KIR3DL3: variants seen among roughly 807,000 people sequenced by gnomAD.
KIR3DL3 encodes killer cell immunoglobulin-like receptor 3DL3.
KIR3DL3 carries 27 observed loss-of-function variants against 34.9 expected under a neutral mutation model. The observed-to-expected ratio is 0.77, with a 90% confidence interval of 0.57 to 1.07. The LOEUF is 1.07. Among genes scored for constraint, KIR3DL3 ranks in the 50% least tolerant of loss-of-function variants. The pLI, the probability that KIR3DL3 is intolerant of heterozygous loss-of-function variation, is 0.00. For missense variants in KIR3DL3, 681 were observed against 528.5 expected (o/e 1.29, Z -2.83); for synonymous variants, 217 against 200.2 (o/e 1.08, Z -0.71).
rs761871324 is a variant in KIR3DL3, at chr19:54,735,235, T to C, written c.950-18T>C. ...ACTGCTATGATTAGCTTCTTATTGG[T>C]GTCTTGTCTTCCTCCAGGTAACTCC... On this transcript the variant is annotated intron_variant, in intron 5 of 7. Transcript: ENST00000291860. 3 of 1,461,994 alleles carry C rather than the reference T, an allele frequency of 2.1e-6. No individual in the cohort carries two copies. Among genetic ancestry groups the C allele is most frequent in the East Asian group, 2.3e-5 (1 of 44,350 alleles). The allele number at this position is 1,461,994 out of a possible 1,614,324, so 90.6% of individuals were successfully genotyped here.
chr19:54,734,091 T>A (rs2069145553), intron 5 of KIR3DL3, among the ~76,000 whole-genome samples: 2 of 152,346 alleles, frequency 1.3e-5, no homozygotes, highest in South Asian at 4.1e-4. Flanking sequence ...CATGGCTGTT[T>A]GATTTAAGTC....
chr19:54,731,069 C>T (rs2068742900), intron 5 of KIR3DL3, among the ~76,000 whole-genome samples: 1 of 151,536 alleles, frequency 6.6e-6, no homozygotes, highest in Non-Finnish European at 1.5e-5. Context: ...TGCAGTGGCG[C>T]CATCTGGGCT....
chr19:54,728,744 A>G (rs1205700517), intron 4 of KIR3DL3, among the ~76,000 whole-genome samples: 1 of 150,840 alleles, frequency 6.6e-6, no homozygotes, highest in African/African-American at 2.4e-5. Context: ...AGACAGGGAA[A>G]GATAAAGATG....
intron 5 of KIR3DL3, 124 bp from the exon 6 acceptor site, chr19:54,735,129 G>C: frequency 1.3e-6 from 1 of 776,732 alleles, no homozygotes; most frequent in South Asian, 1.5e-5. Context: ...TAGGTCTCCC[G>C]CCATCTGGGT....
At chr19:54,729,898 C>T in intron 5 of KIR3DL3, 112 bp downstream of exon 5, 1 of 1,003,036 alleles carries the variant, frequency 1.0e-6, no homozygotes, top group African/African-American at 1.6e-5. Flanking sequence ...GAACACACAG[C>T]ATGGGTGTAA....
rs2068130860 is a variant in KIR3DL3 at position 54,726,078 on chromosome 19, T to C, written c.96T>C (p.Ser32=). The change falls in exon 3 of 8, where the codon TCT becomes TCC. Residue 32 remains serine, a synonymous_variant. Coordinates refer to ENST00000291860, the MANE Select transcript of KIR3DL3 (RefSeq NM_153443.5). ...HVGGQDKPFL[S]AWPGTVVSEG... is the part of the protein sequence containing the mutation. ...GTGGTCAGGACAAGCCCTTCCTCTC[T>C]GCCTGGCCCGGCACTGTGGTGTCTG... 3.7e-6 allele frequency: 6 copies of C among 1,612,854 alleles called. No individual in the cohort carries two copies. In the South Asian group the frequency reaches 4.4e-5, roughly 12 times the overall value.
chr19:54,735,804 C>A lies in KIR3DL3; in HGVS notation c.1055-16C>A. ...AGTGCCCTCCGAGCTGTTTTGACGA[C>A]TTCCGTCTTCTACAGATGCTGTTGT... On this transcript the variant is annotated splice_polypyrimidine_tract_variant and intron_variant, in intron 6 of 7. Coordinates refer to ENST00000291860, the MANE Select transcript of KIR3DL3 (RefSeq NM_153443.5). 6.2e-7 allele frequency: 1 copy of A among 1,607,952 alleles called. No individual in the cohort carries two copies. Among genetic ancestry groups the A allele is most frequent in the South Asian group, 1.1e-5 (1 of 90,550 alleles).
chr19:54,726,316 CCTGTGGTGATCA>C lies in KIR3DL3; in HGVS notation c.335_346del (p.Pro112_Met116delinsLeu), dbSNP rs2068176978. ...CACTGGGTGGTCGGCACCCAGCAAC[CCTGTGGTGATCA>C]TGGTCACAGGTCAGAGGCTTTCTGT... On this transcript the variant is annotated inframe_deletion, in exon 3 of 8. Coordinates refer to ENST00000291860, the MANE Select transcript of KIR3DL3 (RefSeq NM_153443.5). 6.2e-7 allele frequency: 1 copy of C among 1,613,544 alleles called. No individual in the cohort carries two copies. Among genetic ancestry groups the C allele is most frequent in the Admixed American group, 1.7e-5 (1 of 59,936 alleles).
chr19:54,729,450 C>A, intron 4 of KIR3DL3, 43 bp from the exon 5 acceptor site: 1 of 1,471,696 alleles, frequency 6.8e-7, no homozygotes, highest in Non-Finnish European at 9.2e-7. Flanking sequence ...AGAGCTGTGA[C>A]AAGGAAGAAC....
chr19:54,732,278 T>G (rs2068899174), intron 5 of KIR3DL3, among the ~76,000 whole-genome samples: 1 of 148,768 alleles, frequency 6.7e-6, no homozygotes, highest in Non-Finnish European at 1.5e-5. Flanking sequence ...TTGAGTAGAG[T>G]CTCTCTCTGT....
intron 5 of KIR3DL3, among the ~76,000 whole-genome samples, chr19:54,731,442 A>G (rs2068778873): frequency 6.6e-6 from 1 of 151,710 alleles, no homozygotes; most frequent in Admixed American, 6.6e-5. Context: ...GAGAGAATTT[A>G]GCTTATTTAT....
Position 54,736,116 on chromosome 19 carries a change from G to C in KIR3DL3, c.*20G>C. 1 of 1,611,418 alleles carries C rather than the reference G, an allele frequency of 6.2e-7. No individual in the cohort carries two copies. The highest frequency in any genetic ancestry group is 1.1e-5 in the South Asian group (1 of 90,870). On this transcript the variant is annotated 3_prime_UTR_variant, in exon 8 of 8. Coordinates refer to ENST00000291860, the MANE Select transcript of KIR3DL3 (RefSeq NM_153443.5). Reference sequence around the variant, plus strand: ...GTGTAACACGGAACTTCCAAATGCTGAGCGCAGATCCAAAGTTGTCTTCTG... The same window carrying C: ...GTGTAACACGGAACTTCCAAATGCTCAGCGCAGATCCAAAGTTGTCTTCTG...
intron 5 of KIR3DL3, among the ~76,000 whole-genome samples, chr19:54,734,345 AG>A (rs1245633408): frequency 6.6e-6 from 1 of 151,336 alleles, no homozygotes; most frequent in African/African-American, 2.4e-5. Flanking sequence ...CACATTACAC[AG>A]GCAGGTTCAT....
At position 54,736,457 on chromosome 19, in the gene KIR3DL3, G is replaced by A; in HGVS notation, c.*361G>A. 1 of 383,076 alleles carries A rather than the reference G, an allele frequency of 2.6e-6. No individual in the cohort carries two copies. Among genetic ancestry groups the A allele is most frequent in the Non-Finnish European group, 4.7e-6 (1 of 212,640 alleles). 23.7% of individuals were successfully genotyped at this position (383,076 alleles called of 1,614,324 possible). The stretch of plus-strand genomic sequence containing the variant: ...GTCTACTTGAGGCTGCGATCACACT[G>A]AGGAACTCACAATTCCAAACATATA... On this transcript the variant is annotated 3_prime_UTR_variant, in exon 8 of 8. Coordinates refer to ENST00000291860, the MANE Select transcript of KIR3DL3 (RefSeq NM_153443.5).
In KIR3DL3 at chr19:54,730,506, G is replaced by A. The variant is rs1380871888; in HGVS notation, c.949+720G>A. On this transcript the variant is annotated intron_variant, in intron 5 of 7. Coordinates refer to ENST00000291860, the MANE Select transcript of KIR3DL3 (RefSeq NM_153443.5). Reference sequence around the variant, plus strand: ...GGAGTTGCACTTAATTGCAGGAGGCGGAGGTTGCAGTGAGCTGAGATCATG... The same window carrying A: ...GGAGTTGCACTTAATTGCAGGAGGCAGAGGTTGCAGTGAGCTGAGATCATG... 2.9e-4 allele frequency among the ~76,000 whole-genome samples: 44 copies of A among 151,470 alleles called. No individual in the cohort carries two copies. The South Asian group carries it at 8.6e-3, about 30-fold the overall frequency.
intron 3 of KIR3DL3, 39 bp downstream of exon 3, chr19:54,726,376 T>G: frequency 1.3e-6 from 2 of 1,594,380 alleles, no homozygotes; most frequent in Non-Finnish European, 1.7e-6. Context: ...CTGTCCCACC[T>G]CCTGAATCCC....
At chr19:54,732,249 T>C (rs2068890009) in intron 5 of KIR3DL3, among the ~76,000 whole-genome samples, 1 of 97,580 alleles carries the variant, frequency 1.0e-5, no homozygotes, top group South Asian at 3.3e-4. Flanking sequence ...TGTGTGTGTT[T>C]TTTGTTTTCT....
At position 54,729,734 on chromosome 19, in the gene KIR3DL3, C is replaced by A; in HGVS notation, c.897C>A (p.Ala299=). The stretch of plus-strand genomic sequence containing the variant: ...ACAGATGCTTCGGCTCTTTCCGTGC[C>A]CTGCCCCATGCGTGGTCAGACCCGA... ...GNYRCFGSFR[A]LPHAWSDPSD... Residue 299 remains alanine, a synonymous_variant, in exon 5 of 8, where the codon GCC becomes GCA. Coordinates refer to ENST00000291860, the MANE Select transcript of KIR3DL3 (RefSeq NM_153443.5). 6.3e-7 allele frequency: 1 copy of A among 1,591,172 alleles called. No homozygotes were observed. Among genetic ancestry groups the A allele is most frequent in the Non-Finnish European group, 8.5e-7 (1 of 1,172,226 alleles).
intron 4 of KIR3DL3, 104 bp downstream of exon 4, chr19:54,728,014 T>G (rs2068393785): frequency 8.4e-7 from 1 of 1,188,880 alleles, no homozygotes; most frequent in Non-Finnish European, 1.2e-6. Flanking sequence ...GTGGGGTTCC[T>G]ATGGAGAGAA....
Sources: allele counts gnomAD v4.1 joint callset (sites outside exome capture counted in the v4.1 genomes callset), GRCh38; gene constraint gnomAD v4.1.1; transcripts MANE v1.5; gene names NCBI Gene and HGNC (gene_info 2026-07-23, HGNC 2026-07-21).